EGFR: variants seen among roughly 807,000 people sequenced by gnomAD.
EGFR encodes the protein avian erythroblastic leukemia viral (v-erb-b) oncogene homolog.
A neutral mutation model predicts 143.0 loss-of-function variants in EGFR; 58 were observed. The ratio of observed to expected loss-of-function variants is 0.41; its 90% CI spans 0.33 to 0.50. The LOEUF (loss-of-function observed/expected upper bound fraction) is 0.50, where lower values mean the gene tolerates loss of function less well. EGFR is among the 20% of genes least tolerant of loss of function. The pLI is 0.39. For missense variants in EGFR, 1,307 were observed against 1,579.0 expected (o/e 0.83, Z 2.92); for synonymous variants, 613 against 594.4 (o/e 1.03, Z -0.45).
chr7:55,189,041 T>C (rs1787268447), intron 20 of EGFR: 1 of 151,972 alleles, frequency 6.6e-6, no homozygotes, highest in South Asian at 2.1e-4. Context: ...GACGCGGACT[T>C]CCCCAGAGGC....
intron 1 of EGFR, among the ~76,000 whole-genome samples, chr7:55,108,669 A>G (rs1792280811): frequency 1.3e-5 from 2 of 152,230 alleles, no homozygotes; most frequent in Admixed American, 1.3e-4. Context: ...TAGGAGGGCC[A>G]TCTTCAAATT....
intron 1 of EGFR, among the ~76,000 whole-genome samples, chr7:55,104,601 G>C (rs568160356): frequency 1.1e-3 from 169 of 152,332 alleles, no homozygotes; most frequent in South Asian, 5.0e-3. Flanking sequence ...TTTCACAAAT[G>C]ATGAGGAGCG....
At position 55,163,987 on chromosome 7, in the gene EGFR, G is replaced by A. The variant is rs559347247; in HGVS notation, c.1722+164G>A. 3.3e-5 allele frequency among the ~76,000 whole-genome samples: 5 copies of A among 152,312 alleles called. No homozygotes were observed. In the South Asian group the frequency reaches 8.3e-4, roughly 25 times the overall value. ...GACAGCGCTGTCCGGGCAGGGTGTCGGTGACATTAGCACACACATTAGCCT... is the reference window on the plus strand; with the variant it reads ...GACAGCGCTGTCCGGGCAGGGTGTCAGTGACATTAGCACACACATTAGCCT... On this transcript the variant is annotated intron_variant, in intron 14 of 27. Coordinates refer to ENST00000275493, the MANE Select transcript of EGFR (RefSeq NM_005228.5).
At chr7:55,107,358 TTGTTATTTGA>T (rs1792197883) in intron 1 of EGFR, among the ~76,000 whole-genome samples, 1 of 152,238 alleles carries the variant, frequency 6.6e-6, no homozygotes, top group African/African-American at 2.4e-5. Flanking sequence ...CCATTGGGTT[TTGTTATTTGA>T]TGTTATTTGA....
chr7:55,073,124 T>C (rs1362268858), intron 1 of EGFR, among the ~76,000 whole-genome samples: 1 of 152,240 alleles, frequency 6.6e-6, no homozygotes, highest in East Asian at 1.9e-4. Context: ...ACTCATTGTT[T>C]CTGCTATTTT....
At chr7:55,158,207 T>C (rs17336702) in intron 11 of EGFR, among the ~76,000 whole-genome samples, 90 of 152,330 alleles carry the variant, frequency 5.9e-4, no homozygotes, top group Non-Finnish European at 1.1e-3. Context: ...AGAGACTTTT[T>C]AGCACCACTC....
At position 55,143,301 on chromosome 7, in the gene EGFR, T is replaced by G. The variant is rs760260689; in HGVS notation, c.241-4T>G. 3.0e-5 allele frequency: 48 copies of G among 1,614,198 alleles called. No individual in the cohort carries two copies. The South Asian group carries it at 4.2e-4, about 14-fold the overall frequency. On this transcript the variant is annotated splice_region_variant and splice_polypyrimidine_tract_variant and intron_variant, in intron 2 of 27. Transcript: ENST00000275493. ...AATCACGCATTTATGTTTTCTCTTCTTAGACCATCCAGGAGGTGGCTGGTT... is the reference window on the plus strand; with the variant it reads ...AATCACGCATTTATGTTTTCTCTTCGTAGACCATCCAGGAGGTGGCTGGTT...
chr7:55,140,158 T>C (rs1204153307), intron 1 of EGFR, among the ~76,000 whole-genome samples: 2 of 152,102 alleles, frequency 1.3e-5, no homozygotes, highest in Admixed American at 1.3e-4. Context: ...TTAAATGGCA[T>C]GTTTTCCTTT....
chr7:55,028,045 G>C (rs190810281), intron 1 of EGFR, among the ~76,000 whole-genome samples: 2 of 133,948 alleles, frequency 1.5e-5, no homozygotes, highest in East Asian at 2.4e-4. Context: ...CACACATATG[G>C]AGGTAAAGAC....
chr7:55,056,746 C>G (rs1401369040), intron 1 of EGFR, among the ~76,000 whole-genome samples: 1 of 152,158 alleles, frequency 6.6e-6, no homozygotes, highest in Non-Finnish European at 1.5e-5. Flanking sequence ...ACGCCAGTTG[C>G]GTAAGTGTGA....
intron 1 of EGFR, among the ~76,000 whole-genome samples, chr7:55,137,331 T>A (rs1281366372): frequency 6.6e-6 from 1 of 152,164 alleles, no homozygotes; most frequent in Admixed American, 6.5e-5. Context: ...CAATTATAGT[T>A]TACTTAGACG....
At chr7:55,192,617 G>A (rs1215297288) in intron 21 of EGFR, 149 bp from the exon 22 acceptor site, 8 of 731,010 alleles carry the variant, frequency 1.1e-5, no homozygotes, top group Middle Eastern at 5.5e-4. Context: ...CCCTGTTGCC[G>A]GGAGGAGGCG....
intron 1 of EGFR, among the ~76,000 whole-genome samples, chr7:55,099,731 C>A (rs186810221): frequency 2.0e-4 from 31 of 152,144 alleles, no homozygotes; most frequent in Admixed American, 8.5e-4. Flanking sequence ...GCTCTGGGCA[C>A]CCCCTTCTAG....
At chr7:55,122,795 ACTT>A (rs1354973849) in intron 1 of EGFR, among the ~76,000 whole-genome samples, 1 of 152,170 alleles carries the variant, frequency 6.6e-6, no homozygotes, top group African/African-American at 2.4e-5. Flanking sequence ...AGCTGCCTCA[ACTT>A]CTTTTCCAGC....
chr7:55,194,710 A>T (rs1240879523), intron 22 of EGFR, among the ~76,000 whole-genome samples: 1 of 152,162 alleles, frequency 6.6e-6, no homozygotes, highest in Non-Finnish European at 1.5e-5. Flanking sequence ...GCACAAGTGG[A>T]AGCCCTCTCA....
At chr7:55,154,283 C>A (rs2128935469) in intron 7 of EGFR, 131 bp downstream of exon 7, 2 of 1,411,878 alleles carry the variant, frequency 1.4e-6, no homozygotes, top group South Asian at 2.4e-5. Flanking sequence ...GAGGAGGCGA[C>A]CCTGTGCCCG....
At chr7:55,117,895 C>T (rs1414884654) in intron 1 of EGFR, among the ~76,000 whole-genome samples, 1 of 152,094 alleles carries the variant, frequency 6.6e-6, no homozygotes, top group Non-Finnish European at 1.5e-5. Flanking sequence ...AACTTCAGTG[C>T]TGATGCTGGG....
chr7:55,138,893 A>T (rs1462750294), intron 1 of EGFR, among the ~76,000 whole-genome samples: 3 of 152,150 alleles, frequency 2.0e-5, no homozygotes, highest in Non-Finnish European at 4.4e-5. Context: ...ATGCTGTGTC[A>T]ATCTATGGTG....
chr7:55,192,743 G>A, intron 21 of EGFR, 23 bp from the exon 22 acceptor site: 2 of 1,608,174 alleles, frequency 1.2e-6, no homozygotes, highest in Non-Finnish European at 1.7e-6. Flanking sequence ...TTGTCTCACT[G>A]CCTCATCTCT....
Sources: gnomAD v4.1 joint callset for allele counts (sites outside exome capture counted in the v4.1 genomes callset) on GRCh38, gnomAD v4.1.1 for gene constraint, MANE v1.5 for transcripts, NCBI Gene and HGNC (gene_info 2026-07-23, HGNC 2026-07-21) for gene names.